SPTSSA: variants seen among roughly 807,000 people sequenced by gnomAD.
SPTSSA encodes the protein serine palmitoyltransferase small subunit A.
A neutral mutation model predicts 9.1 loss-of-function variants in SPTSSA; 8 were observed. The ratio of observed to expected loss-of-function variants is 0.88; its 90% CI spans 0.51 to 1.58. SPTSSA has a LOEUF of 1.58. Ranked by LOEUF, SPTSSA falls within the 40% of genes most tolerant of loss-of-function variation. The pLI is 0.00. For synonymous variants in SPTSSA, 42 were observed against 37.7 expected (o/e 1.11, Z -0.41); for missense variants, 100 against 93.8 (o/e 1.07, Z -0.27).
intron 1 of SPTSSA, among the ~76,000 whole-genome samples, chr14:34,451,480 T>C (rs962281241): frequency 1.3e-5 from 2 of 152,124 alleles, no homozygotes; most frequent in African/African-American, 4.8e-5. Context: ...TCCCAGCACT[T>C]TGGGAGGCCA....
At position 34,462,219 on chromosome 14, in the gene SPTSSA, G is replaced by A; in HGVS notation, c.-12C>T. The A allele has an allele frequency of 2.0e-6, 3 of 1,515,698 alleles. No individual in the cohort carries two copies. Among genetic ancestry groups the A allele is most frequent in the Non-Finnish European group, 2.7e-6 (3 of 1,123,518 alleles). 93.9% of individuals were successfully genotyped at this position (1,515,698 alleles called of 1,614,324 possible). On this transcript the variant is annotated 5_prime_UTR_variant, in exon 1 of 2. Transcript: ENST00000298130. ...GCCATCCCCGCCATGCGCCTCCCGC[G>A]ATGCAGCTCACACGTCAGTCTGTCC...
chr14:34,436,944 AAAAAG>A (rs893804707), intron 1 of SPTSSA, among the ~76,000 whole-genome samples: 12 of 150,460 alleles, frequency 8.0e-5, no homozygotes, highest in African/African-American at 2.5e-4. Context: ...TTAAAAAAAA[AAAAAG>A]AGAGAAAGAA....
rs1229452761 is a variant in SPTSSA, at chr14:34,443,199, GTGTGTGTGTGTGTGTGTGTGT to G, written c.113-7916_113-7896del. On this transcript the variant is annotated intron_variant, in intron 1 of 1. Transcript: ENST00000298130. Reference sequence around the variant, plus strand: ...TTGAGATTGAGTTTTCCTCTAGGGGGTGTGTGTGTGTGTGTGTGTGTGTGTGTGTGTGTGTGTGTTTTGAGA... The same window carrying G: ...TTGAGATTGAGTTTTCCTCTAGGGGGGTGTGTGTGTGTGTGTGTTTTGAGA... 4.3e-4 allele frequency among the ~76,000 whole-genome samples: 5 copies of G among 11,678 alleles called. No homozygotes were observed. In the African/African-American group the frequency reaches 5.8e-3, roughly 14 times the overall value. 7.7% of individuals were successfully genotyped at this position (11,678 alleles called of 152,430 possible).
intron 1 of SPTSSA, among the ~76,000 whole-genome samples, chr14:34,453,048 TTACTA>T (rs997058613): frequency 3.3e-5 from 5 of 152,312 alleles, no homozygotes; most frequent in African/African-American, 1.2e-4. Context: ...CTAGCTTACG[TTACTA>T]TAAGAATACA....
At chr14:34,437,407 C>T (rs757473571) in intron 1 of SPTSSA, among the ~76,000 whole-genome samples, 15 of 152,210 alleles carry the variant, frequency 9.9e-5, no homozygotes, top group Non-Finnish European at 2.9e-5. Flanking sequence ...GCTTTCCTTG[C>T]AAACATCCAC....
Position 34,435,167 on chromosome 14 carries a change from C to A in SPTSSA, c.*34G>T. The A allele has an allele frequency of 1.3e-6, 2 of 1,570,254 alleles. No individual in the cohort carries two copies. The highest frequency in any genetic ancestry group is 1.7e-6 in the Non-Finnish European group (2 of 1,143,804). On this transcript the variant is annotated 3_prime_UTR_variant, in exon 2 of 2. Coordinates refer to ENST00000298130, the MANE Select transcript of SPTSSA (RefSeq NM_138288.4). ...ATTCCAACTTCGTAGGGTGGGTCTT[C>A]CCCAAGGAACCTCTGATCCTGGTCG...
At chr14:34,439,387 C>T (rs982042345) in intron 1 of SPTSSA, among the ~76,000 whole-genome samples, 4 of 152,114 alleles carry the variant, frequency 2.6e-5, no homozygotes, top group African/African-American at 9.6e-5. Context: ...CCTGTAATTC[C>T]AGCACTTTGG....
chr14:34,447,992 C>T (rs79976877), intron 1 of SPTSSA, among the ~76,000 whole-genome samples: 18,120 of 152,116 alleles, frequency 0.12, 1,228 homozygotes, highest in East Asian at 0.28. Flanking sequence ...TGGTGGTTCA[C>T]GCATGTAATC....
intron 1 of SPTSSA, 85 bp from the exon 2 acceptor site, chr14:34,435,389 A>G: frequency 7.7e-6 from 7 of 911,580 alleles, no homozygotes; most frequent in Non-Finnish European, 1.2e-5. Context: ...TTTATGCTGA[A>G]GTACCCATTC....
intron 1 of SPTSSA, among the ~76,000 whole-genome samples, chr14:34,461,859 G>A (rs1878623800): frequency 6.6e-6 from 1 of 152,104 alleles, no homozygotes; most frequent in African/African-American, 2.4e-5. Context: ...TCCCCCTTGG[G>A]TCCAGCGACT....
chr14:34,450,182 T>C (rs1883495010), intron 1 of SPTSSA, among the ~76,000 whole-genome samples: 2 of 152,190 alleles, frequency 1.3e-5, no homozygotes, highest in Non-Finnish European at 1.5e-5. Flanking sequence ...AACTGTTCTT[T>C]GAGGGTTTGA....
chr14:34,437,256 CAAAACAATCCTTTCCACTCTTT>C (rs1459325117), intron 1 of SPTSSA, among the ~76,000 whole-genome samples: 4 of 152,184 alleles, frequency 2.6e-5, no homozygotes, highest in Non-Finnish European at 2.9e-5. Context: ...GAAAACAAAA[CAAAACAATCCTTTCCACTCTTT>C]AAAACTCTAC....
chr14:34,451,717 CAA>C (rs35096900), intron 1 of SPTSSA, among the ~76,000 whole-genome samples: 3,828 of 77,100 alleles, frequency 0.05, 128 homozygotes, highest in African/African-American at 0.14. Flanking sequence ...GACTCTGTTT[CAA>C]AAAAAAAAAA....
intron 1 of SPTSSA, among the ~76,000 whole-genome samples, chr14:34,453,047 G>A (rs772293252): frequency 3.9e-5 from 6 of 152,004 alleles, no homozygotes; most frequent in Admixed American, 6.6e-5. Flanking sequence ...TCTAGCTTAC[G>A]TTACTATAAG....
In SPTSSA at chr14:34,445,814, C is replaced by T. The variant is rs928744122; in HGVS notation, c.113-10510G>A. On this transcript the variant is annotated intron_variant, in intron 1 of 1. Transcript: ENST00000298130. ...TCTAAAATTCTAATGTCTAAGTATA[C>T]GCTATCAACTATAATTATGCTTATT... Among the ~76,000 whole-genome samples, 42 of 152,262 alleles carry T rather than the reference C, an allele frequency of 2.8e-4. 1 individual carries two copies. Among genetic ancestry groups the T allele is most frequent in the Admixed American group, 8.5e-4 (13 of 15,282 alleles).
At chr14:34,436,890 A>G (rs989092244) in intron 1 of SPTSSA, among the ~76,000 whole-genome samples, 2 of 151,998 alleles carry the variant, frequency 1.3e-5, no homozygotes, top group Non-Finnish European at 2.9e-5. Context: ...ACCGCCCTTA[A>G]TCCAGTTATT....
chr14:34,446,003 G>T (rs572593913), intron 1 of SPTSSA, among the ~76,000 whole-genome samples: 2 of 152,158 alleles, frequency 1.3e-5, no homozygotes, highest in Non-Finnish European at 2.9e-5. Context: ...TTTACAAAGC[G>T]ATTTCATTCC....
At chr14:34,443,355 AGTGTGTGTGT>A (rs759850438) in intron 1 of SPTSSA, among the ~76,000 whole-genome samples, 1 of 6,266 alleles carries the variant, frequency 1.6e-4, no homozygotes, top group African/African-American at 7.4e-4. Flanking sequence ...GGAGGGTGTG[AGTGTGTGTGT>A]GTGTGTGTGT....
Position 34,462,199 on chromosome 14 carries a change from C to T in SPTSSA, c.9G>A (p.Gly3=). 3.9e-6 allele frequency: 6 copies of T among 1,530,928 alleles called. No homozygotes were observed. The highest frequency in any genetic ancestry group is 5.3e-6 in the Non-Finnish European group (6 of 1,134,678). 94.8% of individuals were successfully genotyped at this position (1,530,928 alleles called of 1,614,324 possible). The change falls in exon 1 of 2, where the codon GGG becomes GGA. Residue 3 remains glycine (G), a synonymous_variant. Coordinates refer to ENST00000298130, the MANE Select transcript of SPTSSA (RefSeq NM_138288.4). ...GCTTCCAGGCCCGCGCCAGCGCCAT[C>T]CCCGCCATGCGCCTCCCGCGATGCA... MA[G]MALARAWKQM... is the part of the protein sequence containing the mutation.
Sources: gnomAD v4.1 joint callset for allele counts (sites outside exome capture counted in the v4.1 genomes callset) on GRCh38, gnomAD v4.1.1 for gene constraint, MANE v1.5 for transcripts, NCBI Gene and HGNC (gene_info 2026-07-23, HGNC 2026-07-21) for gene names.